Variants in NELL1 observed in about 807,000 individuals in gnomAD.
NELL1 encodes the protein neural EGFL like 1.
Under a neutral mutation model 107.4 loss-of-function variants are expected in NELL1, and 76 were observed. The observed-to-expected ratio is 0.71, with a 90% CI of 0.59 to 0.86. The LOEUF is 0.86. Ranked by LOEUF, NELL1 falls within the 40% of genes least tolerant of loss-of-function variation. NELL1 has a pLI of 0.00. For missense variants in NELL1, 1,024 were observed against 1,005.5 expected (o/e 1.02, Z -0.25); for synonymous variants, 353 against 341.2 (o/e 1.03, Z -0.38).
intron 9 of NELL1, among the ~76,000 whole-genome samples, chr11:20,931,417 A>G (rs894301185): frequency 1.3e-5 from 2 of 152,222 alleles, no homozygotes; most frequent in African/African-American, 2.4e-5. Flanking sequence ...CATCAGAAAC[A>G]TGGTAGAGTA....
intron 4 of NELL1, among the ~76,000 whole-genome samples, chr11:20,856,377 T>C (rs1219223168): frequency 6.6e-6 from 1 of 152,182 alleles, no homozygotes; most frequent in Non-Finnish European, 1.5e-5. Context: ...TGTCTCTAAC[T>C]CTCCCTCAGG....
chr11:21,447,272 G>C (rs1260751753), intron 15 of NELL1, among the ~76,000 whole-genome samples: 1 of 152,116 alleles, frequency 6.6e-6, no homozygotes, highest in Admixed American at 6.5e-5. Context: ...TTCCACTGTG[G>C]CTGAGCTTTT....
chr11:20,895,406 C>T (rs1263880210), intron 5 of NELL1, among the ~76,000 whole-genome samples: 2 of 146,284 alleles, frequency 1.4e-5, no homozygotes, highest in Admixed American at 1.4e-4. Flanking sequence ...CCTTCCCAGT[C>T]TCTGTTATCT....
intron 12 of NELL1, among the ~76,000 whole-genome samples, chr11:20,980,183 A>G (rs1404958551): frequency 6.6e-6 from 1 of 152,194 alleles, no homozygotes; most frequent in Non-Finnish European, 1.5e-5. Flanking sequence ...TGTGCTAGGT[A>G]CTAAGACTAC....
At chr11:20,826,166 A>G (rs1036653348) in intron 3 of NELL1, among the ~76,000 whole-genome samples, 2 of 151,190 alleles carry the variant, frequency 1.3e-5, no homozygotes, top group African/African-American at 2.4e-5. Context: ...TCTTTTATAA[A>G]TTACCCAGTC....
chr11:21,523,689 A>G (rs1169488934), intron 15 of NELL1, among the ~76,000 whole-genome samples: 1 of 152,004 alleles, frequency 6.6e-6, no homozygotes, highest in East Asian at 1.9e-4. Context: ...TGGTCTTCCT[A>G]TATTCCCATC....
chr11:21,235,057 G>A (rs1355072410), intron 14 of NELL1, among the ~76,000 whole-genome samples: 1 of 152,138 alleles, frequency 6.6e-6, no homozygotes, highest in Non-Finnish European at 1.5e-5. Flanking sequence ...GGAAGCCTTT[G>A]GCAAAAGTAC....
chr11:20,962,429 CCT>C (rs780981863), intron 12 of NELL1, among the ~76,000 whole-genome samples: 16 of 152,108 alleles, frequency 1.1e-4, no homozygotes, highest in Non-Finnish European at 1.9e-4. Context: ...ATAGAAGAAA[CCT>C]CAAAAACAAT....
intron 15 of NELL1, among the ~76,000 whole-genome samples, chr11:21,489,399 A>AAAAAAAAAAAAAAAAAAC (rs1854737690): frequency 6.9e-6 from 1 of 145,704 alleles, no homozygotes; most frequent in Non-Finnish European, 1.5e-5. Flanking sequence ...AAAAAAAAAA[A>AAAAAAAAAAAAAAAAAAC]AAAAAAAAAC....
At chr11:21,035,340 A>G (rs1473184357) in intron 12 of NELL1, among the ~76,000 whole-genome samples, 1 of 152,094 alleles carries the variant, frequency 6.6e-6, no homozygotes, top group African/African-American at 2.4e-5. Context: ...TATTCCAAAA[A>G]TCGAGGAGGA....
At chr11:21,543,202 A>G (rs1856337908) in intron 16 of NELL1, among the ~76,000 whole-genome samples, 1 of 152,078 alleles carries the variant, frequency 6.6e-6, no homozygotes, top group African/African-American at 2.4e-5. Context: ...CCTTTCTTTG[A>G]TAATATTTAG....
At chr11:21,026,922 C>T (rs985750330) in intron 12 of NELL1, among the ~76,000 whole-genome samples, 2 of 152,082 alleles carry the variant, frequency 1.3e-5, no homozygotes, top group African/African-American at 4.8e-5. Context: ...CCCAGATTTT[C>T]CACCCCAGCC....
chr11:21,141,658 A>G (rs1855870286), intron 13 of NELL1, among the ~76,000 whole-genome samples: 1 of 152,230 alleles, frequency 6.6e-6, no homozygotes. Context: ...GCAGTAGCTT[A>G]AAGCACAGGG....
intron 14 of NELL1, among the ~76,000 whole-genome samples, chr11:21,281,798 G>A (rs181474703): frequency 6.6e-6 from 1 of 152,132 alleles, no homozygotes; most frequent in African/African-American, 2.4e-5. Context: ...AGACCATTAA[G>A]GTGCTACATC....
At chr11:21,044,417 T>A (rs912298301) in intron 12 of NELL1, among the ~76,000 whole-genome samples, 2 of 152,148 alleles carry the variant, frequency 1.3e-5, no homozygotes, top group African/African-American at 4.8e-5. Flanking sequence ...GAAAGCATGT[T>A]AAGCAACGCA....
intron 15 of NELL1, among the ~76,000 whole-genome samples, chr11:21,469,360 A>T (rs190497024): frequency 3.3e-5 from 5 of 152,146 alleles, no homozygotes; most frequent in Non-Finnish European, 4.4e-5. Context: ...CTCCACTTGC[A>T]AGAAAAAGTC....
intron 14 of NELL1, among the ~76,000 whole-genome samples, chr11:21,276,515 A>G (rs1231342698): frequency 6.6e-6 from 1 of 152,168 alleles, no homozygotes; most frequent in Admixed American, 6.5e-5. Flanking sequence ...TCAAGCTACC[A>G]ATGACTTTCT....
At chr11:21,478,809 T>C (rs748379000) in intron 15 of NELL1, among the ~76,000 whole-genome samples, 29 of 133,922 alleles carry the variant, frequency 2.2e-4, no homozygotes, top group Non-Finnish European at 3.1e-4. Flanking sequence ...GATAAATAAA[T>C]AGAATATATA....
At chr11:21,377,917 C>T (rs1251711798) in intron 15 of NELL1, among the ~76,000 whole-genome samples, 3 of 151,936 alleles carry the variant, frequency 2.0e-5, no homozygotes, top group Non-Finnish European at 2.9e-5. Flanking sequence ...CTAGAAGACA[C>T]TATTGACATT....
Sources: allele counts gnomAD v4.1 joint callset (sites outside exome capture counted in the v4.1 genomes callset), GRCh38; gene constraint gnomAD v4.1.1; transcripts MANE v1.5; gene names NCBI Gene and HGNC (gene_info 2026-07-23, HGNC 2026-07-21).